FYB1: variants seen among roughly 807,000 people sequenced by gnomAD.
FYB1 encodes the protein FYN-binding protein 1.
FYB1 carries 41 observed loss-of-function variants against 94.1 expected under a neutral mutation model. That is an observed-to-expected ratio of 0.44 (90% CI 0.34 to 0.57). The LOEUF (loss-of-function observed/expected upper bound fraction) is 0.57. FYB1 is among the 20% of genes least tolerant of loss of function. FYB1 has a pLI of 0.02. For missense variants in FYB1, 1,050 were observed against 976.8 expected (o/e 1.07, Z -1.00); for synonymous variants, 367 against 353.2 (o/e 1.04, Z -0.44).
At chr5:39,143,414 G>C (rs554688580) in intron 3 of FYB1, among the ~76,000 whole-genome samples, 1 of 146,396 alleles carries the variant, frequency 6.8e-6, no homozygotes, top group African/African-American at 2.7e-5. Flanking sequence ...TCCATTTCTC[G>C]TCTCTCCCGC....
At chr5:39,247,064 G>C (rs1004685227) in intron 1 of FYB1, among the ~76,000 whole-genome samples, 3 of 117,998 alleles carry the variant, frequency 2.5e-5, no homozygotes, top group African/African-American at 9.8e-5. Context: ...CACACAAAAT[G>C]CGTGTTCATA....
Position 39,108,253 on chromosome 5 carries a change from C to A in FYB1, c.2445G>T (p.Glu815Asp). ...TACCATCAGCAATATCATCATAGAT[C>A]TCTCCATCACTGTAAATGTAAAAAA... is the stretch of plus-strand genomic sequence containing the variant. ...LRSYLADNDG[E>D]IYDDIADGCI... The change falls in exon 18 of 19, where the codon GAG (glutamate) becomes GAT (aspartate). Residue 815 changes from glutamate (E) to aspartate (D), a missense_variant. Coordinates refer to ENST00000512982, the MANE Select transcript of FYB1 (RefSeq NM_001465.6). 5 of 1,527,200 alleles carry A rather than the reference C, an allele frequency of 3.3e-6. No individual in the cohort carries two copies. The highest frequency in any genetic ancestry group is 3.5e-6 in the Non-Finnish European group (4 of 1,128,372). The allele number at this position is 1,527,200 out of a possible 1,614,324, so 94.6% of individuals were successfully genotyped here.
At chr5:39,109,760 T>G (rs1425985726) in intron 17 of FYB1, among the ~76,000 whole-genome samples, 3 of 152,104 alleles carry the variant, frequency 2.0e-5, no homozygotes, top group Non-Finnish European at 4.4e-5. Flanking sequence ...ATCTTATGTT[T>G]CAGGGGACTC....
chr5:39,202,277 G>A lies in FYB1; in HGVS notation c.684C>T (p.Pro228=), dbSNP rs771374188. The change falls in exon 2 of 19, where the codon CCC becomes CCT. Residue 228 remains proline (P), a synonymous_variant. Coordinates refer to ENST00000512982, the MANE Select transcript of FYB1 (RefSeq NM_001465.6). ...NVSSSKGSPA[P]LGVRSKSGPL... ...GGCCGCTTTTGGACCTGACTCCCAG[G>A]GGAGCTGGGGACCCTTTTGATGAAG... 1.2e-5 allele frequency: 20 copies of A among 1,613,762 alleles called. No homozygotes were observed. The highest frequency in any genetic ancestry group is 1.6e-5 in the Non-Finnish European group (19 of 1,179,888).
intron 16 of FYB1, among the ~76,000 whole-genome samples, chr5:39,118,590 C>G (rs1180228126): frequency 6.6e-6 from 1 of 152,156 alleles, no homozygotes; most frequent in African/African-American, 2.4e-5. Flanking sequence ...CAAGGGCTTT[C>G]TGATGCTGAT....
intron 1 of FYB1, among the ~76,000 whole-genome samples, chr5:39,232,434 G>A (rs1750782610): frequency 6.6e-6 from 1 of 151,970 alleles, no homozygotes; most frequent in Non-Finnish European, 1.5e-5. Context: ...TGGTATTCAG[G>A]CTGACAACGG....
chr5:39,247,629 A>G (rs1431596844), intron 1 of FYB1, among the ~76,000 whole-genome samples: 1 of 152,090 alleles, frequency 6.6e-6, no homozygotes, highest in Non-Finnish European at 1.5e-5. Context: ...TTTATATTGG[A>G]TATTTTTTAC....
chr5:39,271,174 C>A (rs1215404400), intron 1 of FYB1, among the ~76,000 whole-genome samples: 3 of 151,814 alleles, frequency 2.0e-5, no homozygotes, highest in Non-Finnish European at 2.9e-5. Flanking sequence ...TATTTAAATT[C>A]ATATTACCAG....
intron 11 of FYB1, 116 bp from the exon 12 acceptor site, chr5:39,126,251 G>T: frequency 9.0e-7 from 1 of 1,106,512 alleles, no homozygotes; most frequent in Non-Finnish European, 1.3e-6. Context: ...AATCATTCAG[G>T]CAGTAAATAA....
intron 2 of FYB1, among the ~76,000 whole-genome samples, chr5:39,193,592 T>C (rs1320127723): frequency 6.6e-6 from 1 of 152,220 alleles, no homozygotes; most frequent in East Asian, 1.9e-4. Context: ...ACAGTGGTTC[T>C]AGACAAGCCT....
chr5:39,115,014 T>C (rs1012779647), intron 16 of FYB1, among the ~76,000 whole-genome samples: 16 of 152,206 alleles, frequency 1.1e-4, no homozygotes, highest in African/African-American at 3.4e-4. Flanking sequence ...TGCTTCTAAT[T>C]TTAGATGACA....
In FYB1 at chr5:39,193,689, C is replaced by T. The variant is rs60560868; in HGVS notation, c.1135+8137G>A. On this transcript the variant is annotated intron_variant, in intron 2 of 18. Transcript: ENST00000512982. ...GGGAAGGTCAAGGAAAATCCTTCAGCATAAAAGTCCTAAATACCACAACAG... is the reference window on the plus strand; with the variant it reads ...GGGAAGGTCAAGGAAAATCCTTCAGTATAAAAGTCCTAAATACCACAACAG... Among the ~76,000 whole-genome samples the T allele has an allele frequency of 4.2e-4, 64 of 152,276 alleles. 1 individual carries two copies. In the East Asian group the frequency reaches 8.5e-3, roughly 20 times the overall value.
chr5:39,199,067 C>T (rs1036709760), intron 2 of FYB1, among the ~76,000 whole-genome samples: 10 of 151,422 alleles, frequency 6.6e-5, no homozygotes, highest in South Asian at 2.1e-4. Flanking sequence ...AAAGACTGTA[C>T]GTACAATATA....
chr5:39,110,375 GA>G lies in FYB1; in HGVS notation c.2415del (p.Arg806GlyfsTer4). On this transcript the variant is annotated frameshift_variant, in exon 17 of 19. Coordinates refer to ENST00000512982, the MANE Select transcript of FYB1 (RefSeq NM_001465.6). LOFTEE classifies it high-confidence loss of function. The stretch of plus-strand genomic sequence containing the variant: ...GCTTACTTGTCCGCTAGGTAACTCC[GA>G]AGGACATAACCATCTACGAAGGAAA... ...RNEEGKYGYVLRSYLADNDGE... is the reference protein window; with the variant it reads ...RNEEGKYGYVXRSYLADNDGE... 6.3e-7 allele frequency: 1 copy of G among 1,594,528 alleles called. No individual in the cohort carries two copies. Among genetic ancestry groups the G allele is most frequent in the Non-Finnish European group, 8.6e-7 (1 of 1,167,438 alleles).
intron 2 of FYB1, among the ~76,000 whole-genome samples, chr5:39,166,912 T>C (rs1744788566): frequency 6.6e-6 from 1 of 151,972 alleles, no homozygotes; most frequent in African/African-American, 2.4e-5. Context: ...CTACACACGG[T>C]ATCCATGAAA....
chr5:39,166,254 T>A (rs138044566), intron 2 of FYB1, among the ~76,000 whole-genome samples: 3,151 of 152,126 alleles, frequency 0.021, 113 homozygotes, highest in African/African-American at 0.07. Context: ...CTGACCAACA[T>A]GGTGAAACCC....
At position 39,110,386 on chromosome 5, in the gene FYB1, C is replaced by T; in HGVS notation, c.2405G>A (p.Gly802Asp). 1 of 1,590,820 alleles carries T rather than the reference C, an allele frequency of 6.3e-7. No homozygotes were observed. The highest frequency in any genetic ancestry group is 1.3e-5 in the African/African-American group (1 of 74,446). The change falls in exon 17 of 19, where the codon GGT becomes GAT. Residue 802 changes from glycine to aspartate, a missense_variant. By Grantham distance (94) the Gly-to-Asp change is moderately conservative. Transcript: ENST00000512982. ...VLCRNEEGKYGYVLRSYLADN... is the reference protein window; with the variant it reads ...VLCRNEEGKYDYVLRSYLADN... Reference sequence around the variant, plus strand: ...CGCTAGGTAACTCCGAAGGACATAACCATCTACGAAGGAAAAAGGAAATAA... The same window carrying T: ...CGCTAGGTAACTCCGAAGGACATAATCATCTACGAAGGAAAAAGGAAATAA...
At chr5:39,264,916 C>T (rs569748400) in intron 1 of FYB1, among the ~76,000 whole-genome samples, 65 of 152,190 alleles carry the variant, frequency 4.3e-4, no homozygotes, top group Non-Finnish European at 8.4e-4. Context: ...CTTCAGAGCT[C>T]AGTGCAAGGT....
upstream of FYB1, among the ~76,000 whole-genome samples, chr5:39,223,354 T>C (rs1055596684): frequency 6.6e-6 from 1 of 152,126 alleles, no homozygotes; most frequent in African/African-American, 2.4e-5. Context: ...TGAGATGGTG[T>C]TGACAGAAGG....
Sources: gnomAD v4.1 joint callset for allele counts (sites outside exome capture counted in the v4.1 genomes callset) on GRCh38, gnomAD v4.1.1 for gene constraint, MANE v1.5 for transcripts, NCBI Gene and HGNC (gene_info 2026-07-23, HGNC 2026-07-21) for gene names.